The following CAB39 variants were observed in gnomAD, a reference collection of about 807,000 sequenced individuals.
CAB39 encodes calcium binding protein 39.
CAB39 carries 8 observed loss-of-function variants against 40.0 expected under a neutral mutation model. That is an observed-to-expected ratio of 0.20 (90% CI 0.12 to 0.36). The LOEUF is 0.36. Among genes scored for constraint, CAB39 ranks in the 10% least tolerant of loss-of-function variants. The pLI is 1.00. For missense variants in CAB39, 270 were observed against 401.1 expected, an observed-to-expected ratio of 0.67 and a Z score of 2.79; for synonymous variants, 156 against 141.6, an observed-to-expected ratio of 1.10 and a Z score of -0.72.
At chr2:230,736,451 A>C (rs1417099968) in intron 1 of CAB39, among the ~76,000 whole-genome samples, 1 of 152,216 alleles carries the variant, frequency 6.6e-6, no homozygotes, top group Non-Finnish European at 1.5e-5. Flanking sequence ...GAAAAAGTGG[A>C]GAGATGAAAT....
intron 1 of CAB39, among the ~76,000 whole-genome samples, chr2:230,733,653 G>A (rs1694734830): frequency 6.6e-6 from 1 of 152,182 alleles, no homozygotes; most frequent in Non-Finnish European, 1.5e-5. Context: ...ATTTTAAATG[G>A]TTGTTACTGG....
intron 2 of CAB39, among the ~76,000 whole-genome samples, chr2:230,789,038 AG>A (rs1386687037): frequency 6.6e-6 from 1 of 152,194 alleles, no homozygotes; most frequent in Non-Finnish European, 1.5e-5. Flanking sequence ...GGTTGCTTAA[AG>A]TTATCCCCTA....
intron 6 of CAB39, 73 bp from the exon 7 acceptor site, chr2:230,813,976 G>GTTT (rs1335944963): frequency 3.4e-5 from 9 of 262,066 alleles, no homozygotes; most frequent in African/African-American, 1.9e-4. Flanking sequence ...TTACCTACCA[G>GTTT]TCTTTTTTTT....
In CAB39 at chr2:230,742,421, C is replaced by G. The variant is rs146539047; in HGVS notation, c.-43-17538C>G. 1.3e-5 allele frequency among the ~76,000 whole-genome samples: 2 copies of G among 152,094 alleles called. 1 individual carries two copies. Among genetic ancestry groups the G allele is most frequent in the South Asian group, 4.1e-4 (2 of 4,824 alleles). ...CGATCTCCTGACCTCGTGATTCGCC[C>G]GCCTCGGCCTCCCACAGTGCTGGGA... On this transcript the variant is annotated intron_variant, in intron 1 of 8. Transcript: ENST00000258418.
chr2:230,715,349 G>C (rs1264153989), intron 1 of CAB39, among the ~76,000 whole-genome samples: 3 of 152,186 alleles, frequency 2.0e-5, no homozygotes, highest in Non-Finnish European at 2.9e-5. Flanking sequence ...TTCTCTGTAA[G>C]ACTTGGATCC....
At chr2:230,758,613 A>G (rs1342074633) in intron 1 of CAB39, among the ~76,000 whole-genome samples, 3 of 152,196 alleles carry the variant, frequency 2.0e-5, no homozygotes, top group African/African-American at 4.8e-5. Context: ...TTGTTCATCA[A>G]ATCTTAGGTA....
chr2:230,732,164 C>G (rs1694703579), intron 1 of CAB39, among the ~76,000 whole-genome samples: 1 of 151,958 alleles, frequency 6.6e-6, no homozygotes, highest in South Asian at 2.1e-4. Context: ...TCACTGCAAG[C>G]TCCGCCTCCC....
At chr2:230,754,305 T>TTCC (rs374908783) in intron 1 of CAB39, among the ~76,000 whole-genome samples, 2 of 142,566 alleles carry the variant, frequency 1.4e-5, no homozygotes, top group East Asian at 4.0e-4. Context: ...TTCTTTCTTC[T>TTCC]TTCTTCCTTC....
At chr2:230,720,304 G>A (rs1694425051) in intron 1 of CAB39, among the ~76,000 whole-genome samples, 1 of 152,322 alleles carries the variant, frequency 6.6e-6, no homozygotes, top group South Asian at 2.1e-4. Flanking sequence ...TGTAAAGGTG[G>A]CATCCTGGCT....
At chr2:230,794,479 A>T (rs1695945892) in intron 4 of CAB39, among the ~76,000 whole-genome samples, 1 of 152,210 alleles carries the variant, frequency 6.6e-6, no homozygotes, top group Non-Finnish European at 1.5e-5. Flanking sequence ...GAAACCAAGG[A>T]TTATTAAAAT....
chr2:230,817,986 T>C lies in CAB39; in HGVS notation c.837+89T>C, dbSNP rs553014109. 2,696 of 1,181,170 alleles carry C rather than the reference T, an allele frequency of 2.3e-3. 8 individuals are homozygous for C. Among genetic ancestry groups the C allele is most frequent in the Non-Finnish European group, 3.1e-3 (2,516 of 820,310 alleles). The allele number at this position is 1,181,170 out of a possible 1,614,324, so 73.2% of individuals were successfully genotyped here. On this transcript the variant is annotated intron_variant, in intron 8 of 8. Coordinates refer to ENST00000258418, the MANE Select transcript of CAB39 (RefSeq NM_016289.4). ...ATAACGGAAATTATTAGCCTCACTC[T>C]GGTAATCCAGGTGACTTAATTAAAT...
intron 1 of CAB39, among the ~76,000 whole-genome samples, chr2:230,758,850 T>C (rs1695240673): frequency 6.6e-6 from 1 of 152,230 alleles, no homozygotes; most frequent in Non-Finnish European, 1.5e-5. Flanking sequence ...CGGTGTCTGA[T>C]AGGAGACTGT....
intron 2 of CAB39, among the ~76,000 whole-genome samples, chr2:230,772,651 A>G (rs1695503237): frequency 6.6e-6 from 1 of 151,872 alleles, no homozygotes; most frequent in African/African-American, 2.4e-5. Flanking sequence ...CGCCTGGCTA[A>G]TTTTTTGTAT....
At chr2:230,802,929 A>T (rs1696118112) in intron 5 of CAB39, among the ~76,000 whole-genome samples, 1 of 152,210 alleles carries the variant, frequency 6.6e-6, no homozygotes, top group African/African-American at 2.4e-5. Flanking sequence ...TCATCCTGAT[A>T]CCAAAGCCTG....
intron 4 of CAB39, among the ~76,000 whole-genome samples, chr2:230,795,506 T>A (rs1316238142): frequency 1.3e-5 from 2 of 152,184 alleles, no homozygotes; most frequent in African/African-American, 2.4e-5. Context: ...GGCTTTTTTT[T>A]ATTAGATTCG....
chr2:230,763,726 A>G (rs942979120), intron 2 of CAB39, among the ~76,000 whole-genome samples: 2 of 152,242 alleles, frequency 1.3e-5, no homozygotes, highest in Non-Finnish European at 2.9e-5. Flanking sequence ...TCTTGATTGC[A>G]TTACAGAACA....
At chr2:230,735,848 G>A (rs569541879) in intron 1 of CAB39, among the ~76,000 whole-genome samples, 3 of 152,290 alleles carry the variant, frequency 2.0e-5, no homozygotes, top group Admixed American at 2.0e-4. Flanking sequence ...AGACCATTTA[G>A]ACTTTAATAT....
In CAB39 at chr2:230,753,958, A is replaced by G. The variant is rs138078019; in HGVS notation, c.-43-6001A>G. 2.0e-5 allele frequency among the ~76,000 whole-genome samples: 3 copies of G among 152,294 alleles called. No individual in the cohort carries two copies. The East Asian group carries it at 5.8e-4, about 29-fold the overall frequency. On this transcript the variant is annotated intron_variant, in intron 1 of 8. Coordinates refer to ENST00000258418, the MANE Select transcript of CAB39 (RefSeq NM_016289.4). ...GTTAACTAACAGTGAAAACCCACAC[A>G]CCCACCAACCATCTAAATTTTAAAA...
chr2:230,784,753 G>A (rs1695758488), intron 2 of CAB39, among the ~76,000 whole-genome samples: 1 of 152,160 alleles, frequency 6.6e-6, no homozygotes, highest in Non-Finnish European at 1.5e-5. Flanking sequence ...ATTAACGCGG[G>A]AAGAAATGAT....
Sources: allele counts gnomAD v4.1 joint callset (sites outside exome capture counted in the v4.1 genomes callset), GRCh38; gene constraint gnomAD v4.1.1; transcripts MANE v1.5; gene names NCBI Gene and HGNC (gene_info 2026-07-23, HGNC 2026-07-21).